The following ARHGEF3 variants were observed in gnomAD, a reference collection of about 807,000 sequenced individuals.
ARHGEF3 encodes the protein Rho guanine nucleotide exchange factor 3.
Under a neutral mutation model 63.2 loss-of-function variants are expected in ARHGEF3, and 28 were observed. The ratio of observed to expected loss-of-function variants is 0.44; its 90% confidence interval spans 0.33 to 0.61. The LOEUF is 0.61. Among genes scored for constraint, ARHGEF3 ranks in the 20% least tolerant of loss-of-function variants. The probability of loss-of-function intolerance (pLI) is 0.03; values close to 1 mark genes in which losing one functional copy is unlikely to be tolerated. For missense variants in ARHGEF3, 533 were observed against 659.3 expected (o/e 0.81, Z 2.10); for synonymous variants, 266 against 254.2 (o/e 1.05, Z -0.44).
At chr3:56,834,191 C>G (rs889081074) in intron 4 of ARHGEF3, among the ~76,000 whole-genome samples, 1 of 152,120 alleles carries the variant, frequency 6.6e-6, no homozygotes, top group Non-Finnish European at 1.5e-5. Flanking sequence ...GCGTAAGCCA[C>G]CACGCCTGGC....
chr3:56,877,624 C>T (rs575548358), intron 4 of ARHGEF3, among the ~76,000 whole-genome samples: 119 of 152,056 alleles, frequency 7.8e-4, no homozygotes, highest in Non-Finnish European at 1.3e-3. Context: ...CCTCTCGCCT[C>T]GGCCTCCCAA....
chr3:56,814,929 G>A (rs1173762604), intron 4 of ARHGEF3, among the ~76,000 whole-genome samples: 1 of 151,992 alleles, frequency 6.6e-6, no homozygotes, highest in Non-Finnish European at 1.5e-5. Flanking sequence ...AGGAGTCTGA[G>A]ACTAGCCTGG....
chr3:57,022,709 C>T (rs561715451), intron 2 of ARHGEF3, among the ~76,000 whole-genome samples: 14 of 151,954 alleles, frequency 9.2e-5, no homozygotes, highest in Non-Finnish European at 2.1e-4. Context: ...CTGCCCTGTC[C>T]AGTCACCTGG....
intron 2 of ARHGEF3, among the ~76,000 whole-genome samples, chr3:56,989,817 G>A (rs1390756382): frequency 6.6e-6 from 1 of 152,204 alleles, no homozygotes; most frequent in Non-Finnish European, 1.5e-5. Context: ...CAACCTGGCT[G>A]AGCTTCAAAC....
intron 2 of ARHGEF3, among the ~76,000 whole-genome samples, chr3:56,960,227 A>G: frequency 6.6e-6 from 1 of 152,204 alleles, no homozygotes; most frequent in South Asian, 2.1e-4. Context: ...TATTTTACAT[A>G]GTTAATCCCA....
rs141724255 is a variant in ARHGEF3 at position 56,897,691 on chromosome 3, C to T, written c.130-15337G>A. 8.2e-3 allele frequency among the ~76,000 whole-genome samples: 1,238 copies of T among 151,024 alleles called. 10 individuals are homozygous for T. The highest frequency in any genetic ancestry group is 0.013 in the Non-Finnish European group (851 of 67,670). ...TTCTCCTGCCTCAGCCTCAGCCTCCCGAGTAGCTGGGACTACAGGCATGCA... is the reference window on the plus strand; with the variant it reads ...TTCTCCTGCCTCAGCCTCAGCCTCCTGAGTAGCTGGGACTACAGGCATGCA... On this transcript the variant is annotated intron_variant, in intron 3 of 12. Transcript: ENST00000338458.
At chr3:56,961,572 G>C (rs1700281441) in intron 2 of ARHGEF3, among the ~76,000 whole-genome samples, 1 of 152,142 alleles carries the variant, frequency 6.6e-6, no homozygotes, top group South Asian at 2.1e-4. Flanking sequence ...CAAAGAAAAA[G>C]CATCAGAGCA....
At chr3:56,888,760 G>A (rs539929483) in intron 3 of ARHGEF3, among the ~76,000 whole-genome samples, 3 of 152,144 alleles carry the variant, frequency 2.0e-5, no homozygotes, top group East Asian at 3.9e-4. Context: ...AAAATTAGCT[G>A]GGCATGATTG....
intron 4 of ARHGEF3, among the ~76,000 whole-genome samples, chr3:56,823,039 TTTC>T (rs2038578123): frequency 6.6e-6 from 1 of 152,106 alleles, no homozygotes; most frequent in Non-Finnish European, 1.5e-5. Flanking sequence ...TTCAAATTTG[TTTC>T]TTCTTCTTTG....
intron 1 of ARHGEF3, among the ~76,000 whole-genome samples, chr3:56,794,450 T>C (rs1032021680): frequency 7.0e-6 from 1 of 141,988 alleles, no homozygotes; most frequent in Non-Finnish European, 1.5e-5. Flanking sequence ...ATCGCACCAC[T>C]GCACTGTAGC....
chr3:56,915,325 G>A (rs1222889687), intron 3 of ARHGEF3, among the ~76,000 whole-genome samples: 1 of 151,964 alleles, frequency 6.6e-6, no homozygotes, highest in Non-Finnish European at 1.5e-5. Context: ...AATTAGCAGG[G>A]CATGGTGGTG....
intron 4 of ARHGEF3, among the ~76,000 whole-genome samples, chr3:56,807,959 A>G (rs2037923361): frequency 6.6e-6 from 1 of 151,912 alleles, no homozygotes; most frequent in South Asian, 2.1e-4. Context: ...CCCCGTCTCT[A>G]CTAAAAATAC....
At chr3:56,753,676 T>C (rs2034902385) in intron 3 of ARHGEF3, 110 bp from the exon 4 acceptor site, 1 of 929,556 alleles carries the variant, frequency 1.1e-6, no homozygotes, top group African/African-American at 1.7e-5. Flanking sequence ...ATTTAAGTAT[T>C]TTAAGTTACG....
chr3:56,955,965 A>G (rs1260550397), intron 3 of ARHGEF3, among the ~76,000 whole-genome samples: 1 of 152,214 alleles, frequency 6.6e-6, no homozygotes, highest in Non-Finnish European at 1.5e-5. Context: ...CAGGCCCTGA[A>G]CTGTCTCCCT....
At chr3:56,861,865 G>GTTT (rs10707315) in intron 4 of ARHGEF3, among the ~76,000 whole-genome samples, 141 of 141,766 alleles carry the variant, frequency 9.9e-4, no homozygotes, top group African/African-American at 3.2e-3. Flanking sequence ...TAACCTGTTG[G>GTTT]TTTTTTTTTT....
chr3:56,969,429 G>A (rs1700808771), intron 2 of ARHGEF3, among the ~76,000 whole-genome samples: 1 of 152,068 alleles, frequency 6.6e-6, no homozygotes, highest in South Asian at 2.1e-4. Context: ...GACATAGCAT[G>A]TAGCAATGTG....
chr3:56,800,513 A>G (rs185035588), intron 1 of ARHGEF3, among the ~76,000 whole-genome samples: 78 of 152,356 alleles, frequency 5.1e-4, no homozygotes, highest in Non-Finnish European at 6.3e-4. Context: ...AAAGCTGAAT[A>G]CAACCAGAGA....
intron 4 of ARHGEF3, among the ~76,000 whole-genome samples, chr3:56,817,643 A>C (rs1295881209): frequency 6.6e-6 from 1 of 152,180 alleles, no homozygotes; most frequent in Non-Finnish European, 1.5e-5. Context: ...ATATTACCTT[A>C]CTGAATCCTC....
At chr3:56,810,325 T>C (rs1275796006) in intron 4 of ARHGEF3, among the ~76,000 whole-genome samples, 1 of 152,044 alleles carries the variant, frequency 6.6e-6, no homozygotes, top group Non-Finnish European at 1.5e-5. Context: ...GGGCAGATCA[T>C]TTGAGCCCAG....
Sources: allele counts gnomAD v4.1 joint callset (sites outside exome capture counted in the v4.1 genomes callset), GRCh38; gene constraint gnomAD v4.1.1; transcripts MANE v1.5; gene names NCBI Gene and HGNC (gene_info 2026-07-23, HGNC 2026-07-21).